The following GLIS3 variants were observed in gnomAD, a reference collection of about 807,000 sequenced individuals.
The protein encoded by GLIS3 is zinc finger protein GLIS3.
Under a neutral mutation model 78.6 loss-of-function variants are expected in GLIS3, and 53 were observed. The ratio of observed to expected loss-of-function variants is 0.67; its 90% confidence interval spans 0.54 to 0.85. The LOEUF is 0.85. Among genes scored for constraint, GLIS3 ranks in the 40% least tolerant of loss-of-function variants. GLIS3 has a pLI of 0.00. For synonymous variants in GLIS3, 684 were observed against 509.9 expected (o/e 1.34, Z -4.60); for missense variants, 1,703 against 1,231.1 (o/e 1.38, Z -5.74).
At chr9:4,459,600 GA>G in the GLIS3 span, among the ~76,000 whole-genome samples, 1 of 152,100 alleles carries the variant, frequency 6.6e-6, no homozygotes, top group African/African-American at 2.4e-5. Flanking sequence ...CTCATCACTA[GA>G]AAAAATTTTA....
chr9:4,129,809 G>C (rs1050851918), intron 2 of GLIS3, among the ~76,000 whole-genome samples: 4 of 152,210 alleles, frequency 2.6e-5, no homozygotes, highest in Non-Finnish European at 5.9e-5. Flanking sequence ...CTTTGGAATT[G>C]GGTATGGACA....
At chr9:4,134,703 T>G (rs1026655928) in intron 2 of GLIS3, among the ~76,000 whole-genome samples, 1 of 152,224 alleles carries the variant, frequency 6.6e-6, no homozygotes, top group South Asian at 2.1e-4. Context: ...ATTATCTAAC[T>G]TAGGTGTGCA....
chr9:4,196,404 T>G (rs181901029), intron 2 of GLIS3, among the ~76,000 whole-genome samples: 2 of 152,332 alleles, frequency 1.3e-5, no homozygotes, highest in Admixed American at 6.5e-5. Flanking sequence ...TCAGGTCCCT[T>G]TCCGCACTGT....
chr9:3,999,561 G>T (rs981681793), intron 4 of GLIS3, among the ~76,000 whole-genome samples: 1 of 151,802 alleles, frequency 6.6e-6, no homozygotes, highest in Non-Finnish European at 1.5e-5. Flanking sequence ...AATTGTATGA[G>T]ATTTTTAAAT....
intron 2 of GLIS3, among the ~76,000 whole-genome samples, chr9:4,144,684 G>C (rs955578418): frequency 5.9e-5 from 9 of 152,192 alleles, no homozygotes; most frequent in Non-Finnish European, 1.0e-4. Flanking sequence ...TCAACCATGA[G>C]TAGGGGCAAG....
intron 4 of GLIS3, among the ~76,000 whole-genome samples, chr9:3,961,199 C>T (rs999662549): frequency 6.6e-6 from 1 of 152,158 alleles, no homozygotes; most frequent in African/African-American, 2.4e-5. Flanking sequence ...CATGAGAACC[C>T]GCTGTGCTCT....
intron 2 of GLIS3, among the ~76,000 whole-genome samples, chr9:4,338,409 C>CACAA (rs796183591): frequency 7.6e-4 from 115 of 151,008 alleles, no homozygotes; most frequent in African/African-American, 2.8e-3. Context: ...CACACACACA[C>CACAA]AATTTTTTAA....
intron 9 of GLIS3, among the ~76,000 whole-genome samples, chr9:3,847,669 C>A (rs1279248587): frequency 6.6e-6 from 1 of 152,222 alleles, no homozygotes; most frequent in African/African-American, 2.4e-5. Context: ...TTCACATGAC[C>A]ATCTCACACC....
intron 4 of GLIS3, among the ~76,000 whole-genome samples, chr9:4,000,994 T>G (rs576311778): frequency 1.4e-4 from 22 of 152,104 alleles, no homozygotes; most frequent in Non-Finnish European, 3.1e-4. Context: ...GCCTGTGAGA[T>G]TTTTGTAGCC....
At chr9:3,889,746 C>T (rs866151364) in intron 7 of GLIS3, among the ~76,000 whole-genome samples, 6 of 152,172 alleles carry the variant, frequency 3.9e-5, no homozygotes, top group Admixed American at 3.9e-4. Context: ...TCACATTCTT[C>T]AGGCAACTGT....
intron 2 of GLIS3, among the ~76,000 whole-genome samples, chr9:4,259,327 C>G (rs1042151661): frequency 5.9e-5 from 9 of 151,986 alleles, no homozygotes; most frequent in Admixed American, 3.3e-4. Context: ...CAGTCCACTA[C>G]TAGCAGTCAG....
the GLIS3 span, among the ~76,000 whole-genome samples, chr9:4,392,024 G>A: frequency 2.0e-5 from 3 of 152,152 alleles, no homozygotes; most frequent in African/African-American, 7.2e-5. Context: ...TGACAGACTG[G>A]ATAAAGAAAA....
chr9:3,944,056 C>T (rs180794185), intron 4 of GLIS3, among the ~76,000 whole-genome samples: 5 of 152,104 alleles, frequency 3.3e-5, no homozygotes, highest in African/African-American at 1.2e-4. Flanking sequence ...ATGGACAGTA[C>T]ATACACGTTT....
chr9:4,390,473 C>T, the GLIS3 span, among the ~76,000 whole-genome samples: 1 of 152,014 alleles, frequency 6.6e-6, no homozygotes, highest in Non-Finnish European at 1.5e-5. Context: ...TCAAGTGATA[C>T]TCTTGCCTCT....
chr9:4,328,600 C>G (rs944456096), intron 2 of GLIS3, among the ~76,000 whole-genome samples: 1 of 152,192 alleles, frequency 6.6e-6, no homozygotes, highest in South Asian at 2.1e-4. Context: ...ACTTCTGAAC[C>G]AAATCATGAT....
intron 4 of GLIS3, among the ~76,000 whole-genome samples, chr9:3,963,479 A>C (rs1193496976): frequency 1.3e-5 from 2 of 152,130 alleles, no homozygotes; most frequent in African/African-American, 4.8e-5. Context: ...TTATCACAGG[A>C]AACTGAAAAC....
At chr9:3,911,524 C>G (rs1326751703) in intron 6 of GLIS3, among the ~76,000 whole-genome samples, 1 of 152,142 alleles carries the variant, frequency 6.6e-6, no homozygotes, top group African/African-American at 2.4e-5. Flanking sequence ...ACTAAGTTAT[C>G]TAAAAAAATT....
At chr9:4,193,914 A>C (rs1481995494) in intron 2 of GLIS3, among the ~76,000 whole-genome samples, 1 of 152,256 alleles carries the variant, frequency 6.6e-6, no homozygotes, top group East Asian at 1.9e-4. Flanking sequence ...CATTTTGACC[A>C]ATCATGTGGT....
At chr9:4,470,440 C>T in the GLIS3 span, among the ~76,000 whole-genome samples, 2 of 152,284 alleles carry the variant, frequency 1.3e-5, no homozygotes, top group African/African-American at 4.8e-5. Flanking sequence ...GGATGCAAGG[C>T]TAGTTCAACA....
Sources: gnomAD v4.1 joint callset for allele counts (sites outside exome capture counted in the v4.1 genomes callset) on GRCh38, gnomAD v4.1.1 for gene constraint, MANE v1.5 for transcripts, NCBI Gene and HGNC (gene_info 2026-07-23, HGNC 2026-07-21) for gene names.